The following EVI5 variants were observed in gnomAD, a reference collection of about 807,000 sequenced individuals.
The protein encoded by EVI5 is ecotropic viral integration site 5.
A neutral mutation model predicts 112.0 loss-of-function variants in EVI5; 73 were observed. That is an observed-to-expected ratio of 0.65 (90% CI 0.54 to 0.79). The LOEUF (loss-of-function observed/expected upper bound fraction) is 0.79. Ranked by LOEUF, EVI5 falls within the 30% of genes least tolerant of loss-of-function variation. EVI5 has a pLI of 0.00. For synonymous variants in EVI5, 305 were observed against 319.9 expected, an observed-to-expected ratio of 0.95 and a Z score of 0.50; for missense variants, 900 against 968.8, an observed-to-expected ratio of 0.93 and a Z score of 0.94.
chr1:92,686,656 A>G (rs1668580864), intron 9 of EVI5, among the ~76,000 whole-genome samples: 1 of 152,270 alleles, frequency 6.6e-6, no homozygotes, highest in Admixed American at 6.5e-5. Flanking sequence ...CCATCATCTC[A>G]GTGCAAAATC....
chr1:92,516,384 A>G (rs934371972), intron 19 of EVI5, among the ~76,000 whole-genome samples: 1 of 152,208 alleles, frequency 6.6e-6, no homozygotes, highest in Non-Finnish European at 1.5e-5. Context: ...AAAATTAACT[A>G]TAGGTTGAAG....
At chr1:92,744,386 T>C (rs935068144) in intron 1 of EVI5, among the ~76,000 whole-genome samples, 9 of 152,168 alleles carry the variant, frequency 5.9e-5, no homozygotes, top group African/African-American at 1.2e-4. Flanking sequence ...CACTATAAAT[T>C]ACTGAGAGGT....
intron 16 of EVI5, among the ~76,000 whole-genome samples, chr1:92,620,285 G>T (rs1351056687): frequency 6.0e-5 from 9 of 151,162 alleles, no homozygotes; most frequent in African/African-American, 2.2e-4. Flanking sequence ...GGCTGAGGTT[G>T]TGGTGAGCTG....
chr1:92,543,869 G>A (rs1665243326), intron 19 of EVI5, among the ~76,000 whole-genome samples: 1 of 152,174 alleles, frequency 6.6e-6, no homozygotes. Context: ...GCAGGATTGC[G>A]ACAAACCTTC....
intron 2 of EVI5, among the ~76,000 whole-genome samples, chr1:92,721,289 A>G (rs998429644): frequency 1.3e-5 from 2 of 152,240 alleles, no homozygotes; most frequent in African/African-American, 4.8e-5. Flanking sequence ...AATGTCCATC[A>G]ATGATAGACT....
intron 9 of EVI5, among the ~76,000 whole-genome samples, chr1:92,679,821 T>C (rs907090939): frequency 6.6e-6 from 1 of 152,160 alleles, no homozygotes; most frequent in African/African-American, 2.4e-5. Context: ...GTTTTTCTCA[T>C]GATTATACTG....
chr1:92,692,444 T>C (rs778084297), intron 9 of EVI5, among the ~76,000 whole-genome samples: 3 of 152,246 alleles, frequency 2.0e-5, no homozygotes, highest in Non-Finnish European at 4.4e-5. Context: ...CCACACATGG[T>C]AGTTATTTAA....
At chr1:92,717,229 C>T (rs926449844) in intron 2 of EVI5, among the ~76,000 whole-genome samples, 3 of 151,856 alleles carry the variant, frequency 2.0e-5, no homozygotes, top group Admixed American at 6.6e-5. Context: ...GAAGAGCAAC[C>T]CCAAGACACA....
chr1:92,721,232 G>A (rs1187734686), intron 2 of EVI5, among the ~76,000 whole-genome samples: 2 of 152,168 alleles, frequency 1.3e-5, no homozygotes, highest in Non-Finnish European at 2.9e-5. Context: ...GCACACGTAT[G>A]TTTATTGCGG....
At chr1:92,787,105 G>T (rs141031365), upstream of EVI5, among the ~76,000 whole-genome samples, 6 of 152,142 alleles carry the variant, frequency 3.9e-5, no homozygotes, top group Non-Finnish European at 7.3e-5. Flanking sequence ...AGCTCCTTAA[G>T]TCCAGGATTT....
intron 9 of EVI5, among the ~76,000 whole-genome samples, chr1:92,684,105 T>C (rs1409981145): frequency 1.3e-5 from 2 of 152,108 alleles, no homozygotes; most frequent in Non-Finnish European, 2.9e-5. Context: ...AAATGTCAGA[T>C]TCACCAAGGT....
At chr1:92,638,867 AAATT>A (rs1409225690) in intron 13 of EVI5, among the ~76,000 whole-genome samples, 2 of 152,050 alleles carry the variant, frequency 1.3e-5, no homozygotes, top group African/African-American at 2.4e-5. Flanking sequence ...ACTGTTCTAA[AAATT>A]AATTATATAA....
In EVI5 at chr1:92,624,250, T is replaced by C. The variant is rs765670420; in HGVS notation, c.1753A>G (p.Ile585Val). The C allele has an allele frequency of 5.0e-6, 8 of 1,613,012 alleles. No homozygotes were observed. Among genetic ancestry groups the C allele is most frequent in the Admixed American group, 1.7e-5 (1 of 59,996 alleles). The change falls in exon 16 of 20, where the codon ATT becomes GTT. Residue 585 changes from isoleucine (I) to valine (V), a missense_variant. Coordinates refer to ENST00000684568, the MANE Select transcript of EVI5 (RefSeq NM_001350197.2). ...MNELQDELMT[I>V]RLREAETQAE... ...TGTGTTTCAGCTTCTCTAAGTCGAATGGTCATCAGTTCATCTTGTAACTCA... is the reference window on the plus strand; with the variant it reads ...TGTGTTTCAGCTTCTCTAAGTCGAACGGTCATCAGTTCATCTTGTAACTCA...
At chr1:92,516,861 C>G (rs11581176) in intron 19 of EVI5, among the ~76,000 whole-genome samples, 17,162 of 145,502 alleles carry the variant, frequency 0.12, 1,295 homozygotes, top group Middle Eastern at 0.18. Context: ...AGACAATCAA[C>G]CTTTCCAACT....
chr1:92,686,840 T>C (rs947840665), intron 9 of EVI5, among the ~76,000 whole-genome samples: 5 of 152,134 alleles, frequency 3.3e-5, no homozygotes, highest in Admixed American at 6.5e-5. Flanking sequence ...ACAAGGGATG[T>C]GAAGGACCTC....
intron 1 of EVI5, among the ~76,000 whole-genome samples, chr1:92,766,092 T>G (rs1033888527): frequency 1.4e-4 from 10 of 70,308 alleles, no homozygotes; most frequent in Non-Finnish European, 2.5e-4. Flanking sequence ...AGCAAGACCC[T>G]GCAAAATAAT....
chr1:92,583,887 G>C (rs886306284), intron 18 of EVI5, among the ~76,000 whole-genome samples: 2 of 151,858 alleles, frequency 1.3e-5, no homozygotes, highest in Non-Finnish European at 2.9e-5. Flanking sequence ...TTTACAACAT[G>C]GGTTACAAAT....
chr1:92,686,872 C>A (rs1369842213), intron 9 of EVI5, among the ~76,000 whole-genome samples: 1 of 152,194 alleles, frequency 6.6e-6, no homozygotes, highest in Non-Finnish European at 1.5e-5. Context: ...CTACAAATCA[C>A]TGCTCAATGA....
intron 2 of EVI5, among the ~76,000 whole-genome samples, chr1:92,735,622 TG>T (rs1379213307): frequency 7.8e-6 from 1 of 127,448 alleles, no homozygotes; most frequent in African/African-American, 2.9e-5. Flanking sequence ...TATAATTATA[TG>T]ATATATGATA....
Sources: allele counts gnomAD v4.1 joint callset (sites outside exome capture counted in the v4.1 genomes callset), GRCh38; gene constraint gnomAD v4.1.1; transcripts MANE v1.5; gene names NCBI Gene and HGNC (gene_info 2026-07-23, HGNC 2026-07-21).